ATAD5: variants seen among roughly 807,000 people sequenced by gnomAD.
The protein encoded by ATAD5 is ATPase family AAA domain containing 5.
In ATAD5, 58 loss-of-function variants were observed where a neutral mutation model predicts 176.9. The observed-to-expected ratio is 0.33, with a 90% confidence interval of 0.27 to 0.41. The LOEUF (loss-of-function observed/expected upper bound fraction) is 0.41. ATAD5 is among the 10% of genes least tolerant of loss of function. The pLI, the probability that ATAD5 is intolerant of heterozygous loss-of-function variation, is 1.00. For synonymous variants in ATAD5, 640 were observed against 712.6 expected, an observed-to-expected ratio of 0.90 and a Z score of 1.62; for missense variants, 1,789 against 2,094.1, an observed-to-expected ratio of 0.85 and a Z score of 2.84.
intron 4 of ATAD5, among the ~76,000 whole-genome samples, chr17:30,842,505 T>C (rs1906189611): frequency 6.6e-6 from 1 of 152,160 alleles, no homozygotes; most frequent in South Asian, 2.1e-4. Flanking sequence ...TTGATGCCAA[T>C]TCTTGAATTT....
chr17:30,855,478 C>A, intron 7 of ATAD5, 151 bp downstream of exon 7: 1 of 865,478 alleles, frequency 1.2e-6, no homozygotes, highest in Non-Finnish European at 1.7e-6. Context: ...TCTCACTATC[C>A]ATGGGGTTTG....
In ATAD5 at chr17:30,855,170, T is replaced by C. The variant is rs367776718; in HGVS notation, c.2478T>C (p.Asp826=). 105 of 1,608,470 alleles carry C rather than the reference T, an allele frequency of 6.5e-5. No individual in the cohort carries two copies. The highest frequency in any genetic ancestry group is 4.0e-4 in the Admixed American group (23 of 58,186). ...SSQDTSEKSQ[D]CDVQCKAKRD... is the part of the protein sequence containing the mutation. The stretch of plus-strand genomic sequence containing the variant: ...AAGATACATCTGAAAAATCTCAGGA[T>C]TGTGATGTTCAATGTAAAGCAAAGC... Residue 826 remains aspartate, a synonymous_variant, in exon 7 of 23, where the codon GAT becomes GAC. Coordinates refer to ENST00000321990, the MANE Select transcript of ATAD5 (RefSeq NM_024857.5).
In ATAD5 at chr17:30,835,261, A is replaced by C. The variant is rs1327735766; in HGVS notation, c.1180A>C (p.Lys394Gln). 6.2e-7 allele frequency: 1 copy of C among 1,614,134 alleles called. No homozygotes were observed. Among genetic ancestry groups the C allele is most frequent in the Non-Finnish European group, 8.5e-7 (1 of 1,180,010 alleles). ...EAGSSEAVKP[K>Q]CTLEERQQFM... is the part of the protein sequence containing the mutation. The stretch of plus-strand genomic sequence containing the variant: ...TGGAAGTTCTGAAGCTGTGAAACCA[A>C]AATGCACTCTAGAAGAAAGACAGCA... Residue 394 changes from lysine (K) to glutamine (Q), a missense_variant, in exon 2 of 23, where the codon AAA (lysine) becomes CAA (glutamine). Coordinates refer to ENST00000321990, the MANE Select transcript of ATAD5 (RefSeq NM_024857.5).
At chr17:30,862,843 ATGCTCCAAAATCCAAAACAT>A (rs1199484014) in intron 10 of ATAD5, 1 of 152,158 alleles carries the variant, frequency 6.6e-6, no homozygotes, top group Non-Finnish European at 1.5e-5. Context: ...GAAATTTGAA[ATGCTCCAAAATCCAAAACAT>A]TTTGAGTGCT....
rs1909860608 is a variant in ATAD5 at position 30,895,472 on chromosome 17, T to G, written c.*559T>G. On this transcript the variant is annotated 3_prime_UTR_variant, in exon 23 of 23. Transcript: ENST00000321990. ...CAGGCTGGAGTGCAGTGGCCTGGTA[T>G]CGGCTCAGTGCAACTTTTGCCTCCC... The G allele has an allele frequency of 6.6e-6, 1 of 151,584 alleles. No individual in the cohort carries two copies. The highest frequency in any genetic ancestry group is 1.5e-5 in the Non-Finnish European group (1 of 68,058). The allele number at this position is 151,584 out of a possible 1,614,324, so 9.4% of individuals were successfully genotyped here. A position where few individuals can be genotyped will look rare whatever the true frequency, so the allele number is the denominator to read the frequency against.
chr17:30,846,471 C>T (rs1318011931), intron 6 of ATAD5, among the ~76,000 whole-genome samples: 2 of 148,696 alleles, frequency 1.3e-5, no homozygotes, highest in South Asian at 2.1e-4. Flanking sequence ...GGCGTGATCT[C>T]GGCTCACTGC....
chr17:30,854,825 C>A (rs1907197879), intron 6 of ATAD5, among the ~76,000 whole-genome samples: 1 of 152,100 alleles, frequency 6.6e-6, no homozygotes, highest in Non-Finnish European at 1.5e-5. Flanking sequence ...GTGGCGCGAT[C>A]CTGACTCACT....
chr17:30,858,378 T>A, intron 9 of ATAD5, 55 bp downstream of exon 9: 1 of 1,161,952 alleles, frequency 8.6e-7, no homozygotes, highest in Non-Finnish European at 1.1e-6. Flanking sequence ...GTTTTTATAT[T>A]ATTTATTATT....
At chr17:30,887,434 T>G in intron 19 of ATAD5, 62 bp downstream of exon 19, 1 of 1,428,808 alleles carries the variant, frequency 7.0e-7, no homozygotes, top group Non-Finnish European at 9.6e-7. Flanking sequence ...ATCTGTGCTA[T>G]GGCTGGGTGC....
At chr17:30,865,088 C>T in intron 10 of ATAD5, 1 of 149,600 alleles carries the variant, frequency 6.7e-6, no homozygotes. Context: ...GTTTATTTTC[C>T]TTTGGGTATA....
intron 10 of ATAD5, 71 bp from the exon 11 acceptor site, chr17:30,865,633 T>C (rs1032695721): frequency 2.2e-6 from 2 of 912,992 alleles, no homozygotes; most frequent in African/African-American, 3.5e-5. Context: ...AACAATAATG[T>C]AAATGACTAA....
chr17:30,877,301 G>A (rs1356939902), intron 15 of ATAD5, 115 bp from the exon 16 acceptor site: 5 of 736,046 alleles, frequency 6.8e-6, no homozygotes, highest in African/African-American at 3.7e-5. Context: ...GAGCCACCGC[G>A]CCCGTCCTGT....
chr17:30,858,453 C>T (rs2142367497), intron 9 of ATAD5, 130 bp downstream of exon 9: 1 of 543,900 alleles, frequency 1.8e-6, no homozygotes, highest in Non-Finnish European at 2.7e-6. Context: ...TGGCACAAAC[C>T]TGGCTCACTG....
chr17:30,832,523 T>C, intron 1 of ATAD5, 110 bp downstream of exon 1: 1 of 1,132,678 alleles, frequency 8.8e-7, no homozygotes, highest in Non-Finnish European at 1.2e-6. Context: ...AGGTGGGACA[T>C]TGTGAGGACC....
intron 6 of ATAD5, among the ~76,000 whole-genome samples, chr17:30,849,064 T>G (rs1280912263): frequency 6.6e-6 from 1 of 152,012 alleles, no homozygotes; most frequent in Non-Finnish European, 1.5e-5. Flanking sequence ...AGAGGCAGGG[T>G]TTCACCATGT....
chr17:30,888,649 C>T (rs1303888888), intron 19 of ATAD5, among the ~76,000 whole-genome samples: 1 of 151,982 alleles, frequency 6.6e-6, no homozygotes, highest in Non-Finnish European at 1.5e-5. Flanking sequence ...ATATAAGCTC[C>T]AAAATTCACT....
At chr17:30,857,376 C>T (rs963478754) in intron 8 of ATAD5, among the ~76,000 whole-genome samples, 10 of 151,938 alleles carry the variant, frequency 6.6e-5, no homozygotes, top group East Asian at 1.9e-4. Flanking sequence ...CCACCATGCC[C>T]GGCTAATTTT....
intron 6 of ATAD5, among the ~76,000 whole-genome samples, chr17:30,853,372 T>C (rs1473518597): frequency 1.3e-5 from 2 of 151,902 alleles, no homozygotes; most frequent in African/African-American, 2.4e-5. Context: ...ATTAGTACCT[T>C]GTACCCCTCT....
At chr17:30,883,840 C>T (rs1326704213) in intron 18 of ATAD5, among the ~76,000 whole-genome samples, 1 of 152,112 alleles carries the variant, frequency 6.6e-6, no homozygotes, top group East Asian at 1.9e-4. Context: ...TGAGCCCCCG[C>T]ATCTGGCCCT....
Sources: gnomAD v4.1 joint callset for allele counts (sites outside exome capture counted in the v4.1 genomes callset) on GRCh38, gnomAD v4.1.1 for gene constraint, MANE v1.5 for transcripts, NCBI Gene and HGNC (gene_info 2026-07-23, HGNC 2026-07-21) for gene names.